TMCC3: variants seen among roughly 807,000 people sequenced by gnomAD.
TMCC3 encodes the protein transmembrane and coiled-coil domain protein 3.
TMCC3 carries 28 observed loss-of-function variants against 40.2 expected under a neutral mutation model. The observed-to-expected ratio is 0.70, with a 90% CI of 0.52 to 0.95. TMCC3 has a LOEUF of 0.95. Among genes scored for constraint, TMCC3 ranks in the 40% least tolerant of loss-of-function variants. The pLI, the probability that TMCC3 is intolerant of heterozygous loss-of-function variation, is 0.00. For synonymous variants in TMCC3, 255 were observed against 248.5 expected (o/e 1.03, Z -0.25); for missense variants, 554 against 615.2 (o/e 0.90, Z 1.05).
intron 1 of TMCC3, among the ~76,000 whole-genome samples, chr12:94,603,003 C>T (rs917756328): frequency 1.6e-4 from 24 of 152,202 alleles, no homozygotes; most frequent in African/African-American, 5.1e-4. Context: ...GCATCCTGCA[C>T]GCAAAATGCC....
At chr12:94,617,649 T>C (rs1428503095) in intron 1 of TMCC3, among the ~76,000 whole-genome samples, 1 of 152,244 alleles carries the variant, frequency 6.6e-6, no homozygotes, top group Non-Finnish European at 1.5e-5. Flanking sequence ...CCACAAGTCA[T>C]ATGAAAAACT....
chr12:94,591,679 G>T (rs2068676646), intron 1 of TMCC3, among the ~76,000 whole-genome samples: 2 of 152,136 alleles, frequency 1.3e-5, no homozygotes, highest in African/African-American at 4.8e-5. Flanking sequence ...TCAAGAGCCT[G>T]GGAGGTGGAG....
intron 1 of TMCC3, among the ~76,000 whole-genome samples, chr12:94,588,271 G>A (rs2068649984): frequency 6.6e-6 from 1 of 152,070 alleles, no homozygotes; most frequent in Non-Finnish European, 1.5e-5. Context: ...AAAAAGGAAG[G>A]GTACCAACAC....
At chr12:94,627,355 C>T (rs1418990265) in intron 1 of TMCC3, among the ~76,000 whole-genome samples, 6 of 152,130 alleles carry the variant, frequency 3.9e-5, no homozygotes, top group Admixed American at 2.0e-4. Flanking sequence ...AAGACCTGAC[C>T]GCTTCTCATC....
chr12:94,606,379 T>C (rs2068783062), intron 1 of TMCC3, among the ~76,000 whole-genome samples: 1 of 151,294 alleles, frequency 6.6e-6, no homozygotes, highest in Non-Finnish European at 1.5e-5. Flanking sequence ...TCTTTTTTTT[T>C]TTTTTTTGAG....
At chr12:94,590,293 ATGGGGTTTTACTATGT>A (rs1246610156) in intron 1 of TMCC3, among the ~76,000 whole-genome samples, 1 of 98,310 alleles carries the variant, frequency 1.0e-5, no homozygotes, top group East Asian at 3.2e-4. Context: ...TTTAGAAGAG[ATGGGGTTTTACTATGT>A]TGGCCAGGCT....
chr12:94,593,090 G>C (rs372114777), intron 1 of TMCC3, among the ~76,000 whole-genome samples: 73 of 151,282 alleles, frequency 4.8e-4, no homozygotes, highest in African/African-American at 1.7e-3. Flanking sequence ...CCAGCTAATC[G>C]AAAGGCTGCG....
At chr12:94,577,157 T>C (rs2068570133) in intron 3 of TMCC3, among the ~76,000 whole-genome samples, 1 of 152,188 alleles carries the variant, frequency 6.6e-6, no homozygotes, top group Non-Finnish European at 1.5e-5. Context: ...TTTAATTTCT[T>C]ACAAATACGA....
rs78521464 is a variant in TMCC3 at position 94,618,062 on chromosome 12, C to T, written c.78+32291G>A. 7.5e-3 allele frequency among the ~76,000 whole-genome samples: 1,142 copies of T among 152,308 alleles called. 7 individuals are homozygous for T. The highest frequency in any genetic ancestry group is 0.011 in the Non-Finnish European group (744 of 68,022). On this transcript the variant is annotated intron_variant, in intron 1 of 3. Coordinates refer to ENST00000261226, the MANE Select transcript of TMCC3 (RefSeq NM_020698.4). The stretch of plus-strand genomic sequence containing the variant: ...GACGTATATACTTTCTTTGCTAGGT[C>T]ATTTTGCTAATTCTAACTCTTAAAA...
chr12:94,638,457 C>T lies in TMCC3; in HGVS notation c.78+11896G>A, dbSNP rs148735703. 7.2e-5 allele frequency among the ~76,000 whole-genome samples: 11 copies of T among 152,314 alleles called. No individual in the cohort carries two copies. In the East Asian group the frequency reaches 1.7e-3, roughly 24 times the overall value. ...CTCAAGCATCTTCACATGCATCCCT[C>T]GACCATATCCTTTCACCCATTCTGC... On this transcript the variant is annotated intron_variant, in intron 1 of 3. Transcript: ENST00000261226.
chr12:94,623,339 G>A (rs879836871), intron 1 of TMCC3, among the ~76,000 whole-genome samples: 11 of 152,064 alleles, frequency 7.2e-5, no homozygotes, highest in African/African-American at 2.2e-4. Flanking sequence ...ACGTCATCAC[G>A]TCAGGACCCT....
chr12:94,595,832 T>G (rs897009107), intron 1 of TMCC3, among the ~76,000 whole-genome samples: 4 of 150,106 alleles, frequency 2.7e-5, no homozygotes, highest in Non-Finnish European at 4.4e-5. Flanking sequence ...TGCCTTTAGT[T>G]GTATCAAAAT....
chr12:94,587,661 T>C (rs887692818), intron 1 of TMCC3, among the ~76,000 whole-genome samples: 6 of 152,264 alleles, frequency 3.9e-5, no homozygotes, highest in African/African-American at 9.6e-5. Context: ...AACAAATGTT[T>C]GTTACTGTTA....
intron 1 of TMCC3, among the ~76,000 whole-genome samples, chr12:94,604,803 C>CAAAAAAAAA: frequency 1.9e-5 from 1 of 53,316 alleles, no homozygotes; most frequent in Non-Finnish European, 3.2e-5. Context: ...GACTTCATCT[C>CAAAAAAAAA]AAAAAAAAAA....
intron 1 of TMCC3, among the ~76,000 whole-genome samples, chr12:94,609,064 C>CA (rs1475541745): frequency 6.6e-6 from 1 of 151,814 alleles, no homozygotes; most frequent in Non-Finnish European, 1.5e-5. Context: ...CCAGTCTCTA[C>CA]AAAAAATTTA....
intron 1 of TMCC3, among the ~76,000 whole-genome samples, chr12:94,606,257 T>C (rs2068782238): frequency 6.6e-6 from 1 of 152,196 alleles, no homozygotes; most frequent in African/African-American, 2.4e-5. Context: ...TTTGGAAACA[T>C]GAATTTTATG....
intron 1 of TMCC3, among the ~76,000 whole-genome samples, chr12:94,626,552 A>G (rs1377022025): frequency 6.6e-6 from 1 of 152,244 alleles, no homozygotes; most frequent in Non-Finnish European, 1.5e-5. Flanking sequence ...ATATTATACC[A>G]ATATCAATGC....
intron 1 of TMCC3, among the ~76,000 whole-genome samples, chr12:94,649,857 C>T (rs2069043785): frequency 6.6e-6 from 1 of 152,260 alleles, no homozygotes; most frequent in Non-Finnish European, 1.5e-5. Context: ...AGAGCCCGTC[C>T]GCCGCCTCCC....
chr12:94,581,727 A>T lies in TMCC3; in HGVS notation c.890T>A (p.Ile297Asn), dbSNP rs756714791. ...LAVILEELRE[I>N]KDTQAQLAED... ...AGCCAGCTGAGCTTGGGTATCCTTG[A>T]TCTCCCTCAGTTCCTCCAGGATCAC... The change falls in exon 2 of 4, where the codon ATC (isoleucine) becomes AAC (asparagine). Residue 297 changes from isoleucine to asparagine, a missense_variant. Ile to Asn is a moderately radical substitution (Grantham distance 149). Transcript: ENST00000261226. 5 of 1,614,144 alleles carry T rather than the reference A, an allele frequency of 3.1e-6. No homozygotes were observed. The South Asian group carries it at 4.4e-5, about 14-fold the overall frequency.
Sources: gnomAD v4.1 joint callset for allele counts (sites outside exome capture counted in the v4.1 genomes callset) on GRCh38, gnomAD v4.1.1 for gene constraint, MANE v1.5 for transcripts, NCBI Gene and HGNC (gene_info 2026-07-23, HGNC 2026-07-21) for gene names.